The following CPNE8 variants were observed in gnomAD, a reference collection of about 807,000 sequenced individuals.
The protein encoded by CPNE8 is copine 8, also known as copine-8.
CPNE8 carries 45 observed loss-of-function variants against 81.5 expected under a neutral mutation model. That is an observed-to-expected ratio of 0.55 (90% CI 0.44 to 0.71). The LOEUF (loss-of-function observed/expected upper bound fraction) is 0.71, where lower values mean the gene tolerates loss of function less well. CPNE8 is among the 30% of genes least tolerant of loss of function. The pLI is 0.00. For synonymous variants in CPNE8, 252 were observed against 226.3 expected (o/e 1.11, Z -1.02); for missense variants, 594 against 672.1 (o/e 0.88, Z 1.28).
intron 10 of CPNE8, among the ~76,000 whole-genome samples, chr12:38,736,250 C>A (rs1000382323): frequency 4.3e-5 from 4 of 92,480 alleles, no homozygotes; most frequent in African/African-American, 1.5e-4. Flanking sequence ...GTGTATTACA[C>A]TTCTATAATT....
At chr12:38,659,748 C>G (rs1473651447) in intron 19 of CPNE8, among the ~76,000 whole-genome samples, 1 of 152,186 alleles carries the variant, frequency 6.6e-6, no homozygotes, top group Non-Finnish European at 1.5e-5. Context: ...GAAACTCACT[C>G]AAAACCGCAC....
At chr12:38,833,060 AT>A (rs137914744) in intron 5 of CPNE8, among the ~76,000 whole-genome samples, 35,697 of 151,862 alleles carry the variant, frequency 0.24, 5,399 homozygotes, top group Non-Finnish European at 0.33. Context: ...TTTTTAAGAT[AT>A]TTTTGGCTAC....
intron 3 of CPNE8, among the ~76,000 whole-genome samples, chr12:38,849,243 T>A (rs1943604289): frequency 6.6e-6 from 1 of 152,202 alleles, no homozygotes; most frequent in Admixed American, 6.5e-5. Flanking sequence ...TTGCATCTTT[T>A]AAAGCAATAT....
At chr12:38,778,524 TTGTTAACTGTTCCC>T (rs1370260534) in intron 6 of CPNE8, among the ~76,000 whole-genome samples, 2 of 152,172 alleles carry the variant, frequency 1.3e-5, no homozygotes, top group Non-Finnish European at 2.9e-5. Flanking sequence ...AAACTATAGC[TTGTTAACTGTTCCC>T]TATTTCGCCT....
At position 38,774,751 on chromosome 12, in the gene CPNE8, G is replaced by C. The variant is rs79335963; in HGVS notation, c.471+1487C>G. On this transcript the variant is annotated intron_variant, in intron 7 of 19. Transcript: ENST00000331366. ...AATTAGTAGCAAAACCAAAACTTGA[G>C]TCTGATAGTCTTTAACAGCATTATA... 1.5e-4 allele frequency among the ~76,000 whole-genome samples: 23 copies of C among 152,132 alleles called. No homozygotes were observed. In the East Asian group the frequency reaches 4.1e-3, roughly 27 times the overall value.
chr12:38,718,467 GCTGATAAAA>G (rs998429455), intron 13 of CPNE8, among the ~76,000 whole-genome samples: 5 of 152,084 alleles, frequency 3.3e-5, no homozygotes, highest in African/African-American at 1.2e-4. Flanking sequence ...CATGAAAATA[GCTGATAAAA>G]AGGTTTCACA....
At chr12:38,810,377 G>T (rs141236982) in intron 6 of CPNE8, among the ~76,000 whole-genome samples, 2 of 152,104 alleles carry the variant, frequency 1.3e-5, no homozygotes, top group African/African-American at 2.4e-5. Context: ...TATTCTAATT[G>T]TATATCTCCC....
chr12:38,823,396 T>C (rs1217962881), intron 6 of CPNE8, among the ~76,000 whole-genome samples: 1 of 152,168 alleles, frequency 6.6e-6, no homozygotes, highest in Non-Finnish European at 1.5e-5. Context: ...CCCTGTCCTC[T>C]TCACCTGTTA....
At chr12:38,780,941 A>G (rs1317648736) in intron 6 of CPNE8, among the ~76,000 whole-genome samples, 2 of 152,058 alleles carry the variant, frequency 1.3e-5, no homozygotes, top group Non-Finnish European at 2.9e-5. Context: ...AATACTAAAT[A>G]CGAGTTAATC....
chr12:38,660,985 TAAG>T lies in CPNE8; in HGVS notation c.1507-6918_1507-6916del, dbSNP rs575800546. Among the ~76,000 whole-genome samples the T allele has an allele frequency of 2.2e-4, 34 of 152,204 alleles. No individual in the cohort carries two copies. The East Asian group carries it at 5.2e-3, about 23-fold the overall frequency. On this transcript the variant is annotated intron_variant, in intron 19 of 19. Coordinates refer to ENST00000331366, the MANE Select transcript of CPNE8 (RefSeq NM_153634.3). ...AGATGCTGGAGAGGATGTAGAGAAA[TAAG>T]AATGTTTTTACACTGTTGGTGGGAG...
At chr12:38,824,107 G>C (rs1004740218) in intron 6 of CPNE8, among the ~76,000 whole-genome samples, 1 of 152,010 alleles carries the variant, frequency 6.6e-6, no homozygotes, top group Non-Finnish European at 1.5e-5. Context: ...TATTGAAATT[G>C]CAAAAATCTT....
intron 6 of CPNE8, among the ~76,000 whole-genome samples, chr12:38,799,932 T>C (rs896223591): frequency 6.6e-6 from 1 of 151,274 alleles, no homozygotes; most frequent in East Asian, 2.0e-4. Flanking sequence ...CCCACCCGAA[T>C]ATTGCGCTTT....
At chr12:38,675,890 A>G (rs1346017696) in intron 17 of CPNE8, 116 bp from the exon 18 acceptor site, 17 of 706,446 alleles carry the variant, frequency 2.4e-5, no homozygotes, top group Non-Finnish European at 3.9e-5. Flanking sequence ...GAGGCCAAAG[A>G]AGGAGGATTG....
chr12:38,868,962 G>T (rs1943953528), intron 3 of CPNE8, among the ~76,000 whole-genome samples: 1 of 152,078 alleles, frequency 6.6e-6, no homozygotes, highest in African/African-American at 2.4e-5. Flanking sequence ...ATTTTCCACT[G>T]GAGCAAAATG....
chr12:38,668,012 G>C (rs750823576), intron 19 of CPNE8, among the ~76,000 whole-genome samples: 1 of 151,948 alleles, frequency 6.6e-6, no homozygotes, highest in African/African-American at 2.4e-5. Flanking sequence ...TTGGCCAGGC[G>C]GGTCTTGAAC....
intron 4 of CPNE8, among the ~76,000 whole-genome samples, chr12:38,842,917 A>G (rs995507520): frequency 1.3e-5 from 2 of 152,044 alleles, no homozygotes; most frequent in Non-Finnish European, 2.9e-5. Flanking sequence ...TTTTTCTTCT[A>G]ACTTTTCTAA....
Position 38,685,600 on chromosome 12 carries a change from G to A in CPNE8, c.1161C>T (p.Asn387=), listed in dbSNP as rs776780548. 8 of 1,612,774 alleles carry A rather than the reference G, an allele frequency of 5.0e-6. No homozygotes were observed. Among genetic ancestry groups the A allele is most frequent in the African/African-American group, 2.7e-5 (2 of 74,826 alleles). The part of the protein sequence containing the change: ...HEFALNGNPQ[N]PYCDGIEGVM... ...CCCCCTCAATGCCATCACAGTAGGGGTTTTGAGGATTCCCATTCTGTAGAA... is the reference window on the plus strand; with the variant it reads ...CCCCCTCAATGCCATCACAGTAGGGATTTTGAGGATTCCCATTCTGTAGAA... The change falls in exon 16 of 20, where the codon AAC becomes AAT. Residue 387 remains asparagine (N), a synonymous_variant. Transcript: ENST00000331366.
chr12:38,753,884 T>C (rs1255943116), intron 10 of CPNE8, among the ~76,000 whole-genome samples: 2 of 152,170 alleles, frequency 1.3e-5, no homozygotes, highest in Non-Finnish European at 2.9e-5. Context: ...AAAATAGAGC[T>C]ATATAAAGAG....
chr12:38,749,986 G>C (rs143149618), intron 10 of CPNE8, among the ~76,000 whole-genome samples: 1,548 of 152,256 alleles, frequency 0.01, 12 homozygotes, highest in Admixed American at 0.018. Context: ...TCCCATCAGA[G>C]GCCTAGATGC....
Sources: allele counts gnomAD v4.1 joint callset (sites outside exome capture counted in the v4.1 genomes callset), GRCh38; gene constraint gnomAD v4.1.1; transcripts MANE v1.5; gene names NCBI Gene and HGNC (gene_info 2026-07-23, HGNC 2026-07-21).